The following TES variants were observed in gnomAD, a reference collection of about 807,000 sequenced individuals.
TES encodes the protein testin LIM domain protein.
A neutral mutation model predicts 48.2 loss-of-function variants in TES; 41 were observed. The ratio of observed to expected loss-of-function variants is 0.85; its 90% confidence interval spans 0.66 to 1.10. The LOEUF is 1.10. TES is among the 50% of genes least tolerant of loss of function. The probability of loss-of-function intolerance (pLI) is 0.00; values close to 1 mark genes in which losing one functional copy is unlikely to be tolerated. For missense variants in TES, 463 were observed against 515.1 expected (o/e 0.90, Z 0.98); for synonymous variants, 162 against 174.9 (o/e 0.93, Z 0.58).
intron 4 of TES, among the ~76,000 whole-genome samples, chr7:116,251,310 C>T (rs899744721): frequency 2.0e-5 from 3 of 152,120 alleles, no homozygotes; most frequent in East Asian, 1.9e-4. Flanking sequence ...TTATCTACAT[C>T]GACAAATTTG....
At position 116,250,216 on chromosome 7, in the gene TES, A is replaced by T; in HGVS notation, c.422A>T (p.Glu141Val). 2.5e-6 allele frequency: 4 copies of T among 1,593,264 alleles called. No individual in the cohort carries two copies. Among genetic ancestry groups the T allele is most frequent in the Non-Finnish European group, 3.4e-6 (4 of 1,171,434 alleles). ...GAAAAGCAGCCAGTAGCAGGCTCAG[A>T]GGGGGCACAGTACCGGAAGAAGCAG... Reference protein sequence around the residue: ...PKEKQPVAGSEGAQYRKKQLA... With the variant: ...PKEKQPVAGSVGAQYRKKQLA... Residue 141 changes from glutamate to valine, a missense_variant, in exon 4 of 7, where the codon GAG becomes GTG. By Grantham distance (121) the Glu-to-Val change is moderately radical (BLOSUM62 -2). Transcript: ENST00000358204.
At chr7:116,222,606 C>T (rs549627707) in intron 1 of TES, among the ~76,000 whole-genome samples, 5 of 152,218 alleles carry the variant, frequency 3.3e-5, no homozygotes, top group East Asian at 1.9e-4. Context: ...CAAGAATGAT[C>T]GCAGTATTCA....
At chr7:116,231,397 A>G (rs1310920673) in intron 1 of TES, among the ~76,000 whole-genome samples, 1 of 152,254 alleles carries the variant, frequency 6.6e-6, no homozygotes, top group African/African-American at 2.4e-5. Flanking sequence ...TGAGCCAAAT[A>G]TGAGTGATCA....
intron 1 of TES, among the ~76,000 whole-genome samples, chr7:116,226,200 G>A (rs1471192167): frequency 6.6e-6 from 1 of 152,192 alleles, no homozygotes; most frequent in Non-Finnish European, 1.5e-5. Flanking sequence ...AAACTTTCTA[G>A]CACTATTGTA....
At chr7:116,236,580 A>G (rs6959549) in intron 2 of TES, among the ~76,000 whole-genome samples, 97,292 of 151,990 alleles carry the variant, frequency 0.64, 31,407 homozygotes, top group African/African-American at 0.71. Context: ...TACTTGTGAA[A>G]CATTTTGGGT....
Position 116,210,722 on chromosome 7 carries a change from C to G in TES, c.15C>G (p.Asn5Lys), listed in dbSNP as rs1039773447. The G allele has an allele frequency of 8.0e-6, 10 of 1,257,010 alleles. No individual in the cohort carries two copies. The highest frequency in any genetic ancestry group is 2.0e-6 in the Non-Finnish European group (2 of 990,848). The allele number at this position is 1,257,010 out of a possible 1,614,324, so 77.9% of individuals were successfully genotyped here. Reference sequence around the variant, plus strand: ...GACGCGTTAACATGGACCTGGAAAACAAAGTGAAGAAGGTAGGGGGGCGCT... The same window carrying G: ...GACGCGTTAACATGGACCTGGAAAAGAAAGTGAAGAAGGTAGGGGGGCGCT... Reference protein sequence around the residue: MDLENKVKKMGLGHE... With the variant: MDLEKKVKKMGLGHE... Residue 5 changes from asparagine to lysine, a missense_variant, in exon 1 of 7, where the codon AAC (asparagine) becomes AAG (lysine). Coordinates refer to ENST00000358204, the MANE Select transcript of TES (RefSeq NM_015641.4).
chr7:116,236,996 G>C (rs1036428576), intron 2 of TES, among the ~76,000 whole-genome samples: 3 of 152,168 alleles, frequency 2.0e-5, no homozygotes, highest in African/African-American at 7.2e-5. Context: ...CAGAATTCTT[G>C]ATAATTCCCT....
At chr7:116,224,591 C>T (rs1057179799) in intron 1 of TES, among the ~76,000 whole-genome samples, 1 of 151,712 alleles carries the variant, frequency 6.6e-6, no homozygotes, top group African/African-American at 2.4e-5. Flanking sequence ...ACCTATTTTG[C>T]GTCAGGACCC....
At position 116,223,261 on chromosome 7, in the gene TES, G is replaced by A. The variant is rs545468276; in HGVS notation, c.28-11273G>A. 2.6e-5 allele frequency among the ~76,000 whole-genome samples: 4 copies of A among 152,248 alleles called. No homozygotes were observed. In the South Asian group the frequency reaches 8.3e-4, roughly 32 times the overall value. Reference sequence around the variant, plus strand: ...AAGTTTCAAATAGATAAGTAGTACTGTGAGGGAAGGAACTGCTAACTGTAA... The same window carrying A: ...AAGTTTCAAATAGATAAGTAGTACTATGAGGGAAGGAACTGCTAACTGTAA... On this transcript the variant is annotated intron_variant, in intron 1 of 6. Coordinates refer to ENST00000358204, the MANE Select transcript of TES (RefSeq NM_015641.4).
chr7:116,246,607 C>T (rs1280487009), intron 2 of TES, among the ~76,000 whole-genome samples: 1 of 152,216 alleles, frequency 6.6e-6, no homozygotes, highest in Non-Finnish European at 1.5e-5. Flanking sequence ...CTGGTTATGA[C>T]ACCTAAGGGG....
chr7:116,231,537 A>C (rs374013020), intron 1 of TES, among the ~76,000 whole-genome samples: 40 of 152,322 alleles, frequency 2.6e-4, no homozygotes, highest in African/African-American at 8.9e-4. Context: ...CAGTCTGGAA[A>C]GACAGGACCA....
At chr7:116,238,320 T>C (rs1799799943) in intron 2 of TES, 1 of 152,184 alleles carries the variant, frequency 6.6e-6, no homozygotes, top group Non-Finnish European at 1.5e-5. Flanking sequence ...TGTATCACCA[T>C]AGTTGCAGGA....
intron 4 of TES, 53 bp from the exon 5 acceptor site, chr7:116,251,707 A>G: frequency 6.7e-7 from 1 of 1,491,960 alleles, no homozygotes; most frequent in African/African-American, 1.4e-5. Flanking sequence ...AAAGAAAGAA[A>G]AGAAATGGCA....
intron 2 of TES, among the ~76,000 whole-genome samples, chr7:116,239,746 A>G (rs1045771099): frequency 6.6e-6 from 1 of 152,204 alleles, no homozygotes; most frequent in African/African-American, 2.4e-5. Flanking sequence ...AGTAGAGGAA[A>G]ATAAAAGGTT....
chr7:116,250,953 C>T (rs1446159772), intron 4 of TES, among the ~76,000 whole-genome samples: 1 of 151,918 alleles, frequency 6.6e-6, no homozygotes, highest in African/African-American at 2.4e-5. Flanking sequence ...TTTTTTAAGT[C>T]TCTTCTAAAG....
intron 1 of TES, among the ~76,000 whole-genome samples, chr7:116,232,920 C>G (rs1799719987): frequency 6.6e-6 from 1 of 152,026 alleles, no homozygotes; most frequent in Non-Finnish European, 1.5e-5. Flanking sequence ...CTGTGTGGAC[C>G]AGTTGGGTTT....
Position 116,257,188 on chromosome 7 carries a change from T to A in TES, c.1078-106T>A, listed in dbSNP as rs2402059. On this transcript the variant is annotated intron_variant, in intron 6 of 6. Coordinates refer to ENST00000358204, the MANE Select transcript of TES (RefSeq NM_015641.4). ...CCTCCATTGTGTATTTCTGAGGTTG[T>A]CATTATGAGTTTTAATTTATCATCT... The A allele has an allele frequency of 4.9e-6, 6 of 1,236,550 alleles. No individual in the cohort carries two copies. In the South Asian group the frequency reaches 9.6e-5, roughly 20 times the overall value. The allele number at this position is 1,236,550 out of a possible 1,614,324, so 76.6% of individuals were successfully genotyped here.
At chr7:116,244,212 TAACTC>T (rs1325702125) in intron 2 of TES, among the ~76,000 whole-genome samples, 5 of 152,166 alleles carry the variant, frequency 3.3e-5, no homozygotes, top group Admixed American at 2.6e-4. Flanking sequence ...CCCAAAGTCT[TAACTC>T]ACTCCAGCAT....
chr7:116,235,784 G>A (rs181765144), intron 2 of TES, among the ~76,000 whole-genome samples: 18 of 152,262 alleles, frequency 1.2e-4, no homozygotes, highest in African/African-American at 3.4e-4. Flanking sequence ...ACAGGAAACC[G>A]TTTAGAATAC....
Sources: allele counts gnomAD v4.1 joint callset (sites outside exome capture counted in the v4.1 genomes callset), GRCh38; gene constraint gnomAD v4.1.1; transcripts MANE v1.5; gene names NCBI Gene and HGNC (gene_info 2026-07-23, HGNC 2026-07-21).